Variants in PDCD6IP observed in about 807,000 individuals in gnomAD.
PDCD6IP encodes the protein programmed cell death 6 interacting protein.
PDCD6IP carries 43 observed loss-of-function variants against 103.7 expected under a neutral mutation model. That is an observed-to-expected ratio of 0.41 (90% confidence interval 0.32 to 0.53). The LOEUF (loss-of-function observed/expected upper bound fraction) is 0.53. Among genes scored for constraint, PDCD6IP ranks in the 20% least tolerant of loss-of-function variants. PDCD6IP has a pLI of 0.16. For missense variants in PDCD6IP, 871 were observed against 1,036.7 expected, an observed-to-expected ratio of 0.84 and a Z score of 2.20; for synonymous variants, 354 against 378.7, an observed-to-expected ratio of 0.93 and a Z score of 0.76.
At chr3:33,800,464 T>C (rs1320314210) in intron 1 of PDCD6IP, among the ~76,000 whole-genome samples, 2 of 152,082 alleles carry the variant, frequency 1.3e-5, no homozygotes, top group African/African-American at 2.4e-5. Context: ...ACCCCATGGA[T>C]CAAAGCAAGA....
intron 15 of PDCD6IP, among the ~76,000 whole-genome samples, chr3:33,863,155 G>A (rs1339104093): frequency 1.3e-5 from 2 of 152,078 alleles, no homozygotes; most frequent in Non-Finnish European, 2.9e-5. Flanking sequence ...TCAAATCAGG[G>A]TAATTAGGAT....
At chr3:33,818,097 GTTTTTTTTT>G (rs756780125) in intron 3 of PDCD6IP, among the ~76,000 whole-genome samples, 1 of 68,080 alleles carries the variant, frequency 1.5e-5, no homozygotes, top group African/African-American at 6.4e-5. Flanking sequence ...TTTCATTCTT[GTTTTTTTTT>G]TTTTTTTTTT....
intron 11 of PDCD6IP, among the ~76,000 whole-genome samples, chr3:33,844,960 C>T (rs1163047902): frequency 6.6e-6 from 1 of 151,368 alleles, no homozygotes; most frequent in Non-Finnish European, 1.5e-5. Flanking sequence ...GAGATAAATG[C>T]TATCTTCATG....
In PDCD6IP at chr3:33,821,033, G is replaced by T. The variant is rs189847391; in HGVS notation, c.335-922G>T. ...TTTTTATTTTTTATTTTGAGACAGG[G>T]TCTTGCTCTGACGCTCAGGGTGAAG... On this transcript the variant is annotated intron_variant, in intron 3 of 17. Coordinates refer to ENST00000307296, the MANE Select transcript of PDCD6IP (RefSeq NM_013374.6). Among the ~76,000 whole-genome samples, 4 of 152,168 alleles carry T rather than the reference G, an allele frequency of 2.6e-5. No individual in the cohort carries two copies. The East Asian group carries it at 5.8e-4, about 22-fold the overall frequency.
In PDCD6IP at chr3:33,844,099, C is replaced by G; in HGVS notation, c.1360-13C>G. 1 of 1,525,554 alleles carries G rather than the reference C, an allele frequency of 6.6e-7. No individual in the cohort carries two copies. The highest frequency in any genetic ancestry group is 8.9e-7 in the Non-Finnish European group (1 of 1,117,692). 94.5% of individuals were successfully genotyped at this position (1,525,554 alleles called of 1,614,324 possible). A position where few individuals can be genotyped will look rare whatever the true frequency, so the allele number is the denominator to read the frequency against. On this transcript the variant is annotated splice_polypyrimidine_tract_variant and intron_variant, in intron 10 of 17. Coordinates refer to ENST00000307296, the MANE Select transcript of PDCD6IP (RefSeq NM_013374.6). ...AAATGACATTTCAGGGTTCTTTTTG[C>G]TTCCTTTTAAAGTCATTAAGGTTGT...
rs534874683 is a variant in PDCD6IP, at chr3:33,838,774, G to T, written c.1181+447G>T. 6.8e-4 allele frequency among the ~76,000 whole-genome samples: 102 copies of T among 150,776 alleles called. 1 individual carries two copies. The highest frequency in any genetic ancestry group is 5.8e-3 in the Admixed American group (87 of 15,080). On this transcript the variant is annotated intron_variant, in intron 9 of 17. Transcript: ENST00000307296. ...TGTATATGTGTGTGTGTGTGTGTAT[G>T]TGTATATATATATATTTATGTATAT...
chr3:33,799,540 T>C (rs1311421965), intron 1 of PDCD6IP: 1 of 152,284 alleles, frequency 6.6e-6, no homozygotes, highest in Non-Finnish European at 1.5e-5. Flanking sequence ...CCGTTCAAGG[T>C]AGGTTGTTTA....
chr3:33,848,360 A>ATTATAAAAT (rs1359040677), intron 12 of PDCD6IP, among the ~76,000 whole-genome samples: 1 of 152,022 alleles, frequency 6.6e-6, no homozygotes, highest in African/African-American at 2.4e-5. Flanking sequence ...ATAAAATGAC[A>ATTATAAAAT]AGGTTATAAA....
chr3:33,831,258 T>A (rs905078011), intron 7 of PDCD6IP, among the ~76,000 whole-genome samples: 1 of 151,194 alleles, frequency 6.6e-6, no homozygotes, highest in African/African-American at 2.4e-5. Flanking sequence ...CACACAGATA[T>A]AAAAACATGA....
chr3:33,816,482 G>A (rs1575907857), intron 3 of PDCD6IP, among the ~76,000 whole-genome samples: 1 of 145,146 alleles, frequency 6.9e-6, no homozygotes, highest in African/African-American at 2.6e-5. Context: ...TCCAGCCTGG[G>A]TGACAGAGCA....
intron 1 of PDCD6IP, among the ~76,000 whole-genome samples, chr3:33,808,636 C>T (rs770154453): frequency 7.2e-5 from 11 of 152,198 alleles, no homozygotes; most frequent in Non-Finnish European, 1.2e-4. Context: ...GTGCTAGCAT[C>T]ATCTCTTGAC....
intron 15 of PDCD6IP, among the ~76,000 whole-genome samples, chr3:33,857,332 C>T (rs1014151350): frequency 1.2e-4 from 19 of 152,012 alleles, no homozygotes; most frequent in African/African-American, 3.9e-4. Flanking sequence ...AGGTGTGCAC[C>T]ACCACGCCTG....
At chr3:33,847,897 G>A (rs1177740959) in intron 12 of PDCD6IP, among the ~76,000 whole-genome samples, 1 of 152,058 alleles carries the variant, frequency 6.6e-6, no homozygotes, top group Non-Finnish European at 1.5e-5. Context: ...CCAGAGGAAG[G>A]AACATGTATT....
At chr3:33,853,845 TA>T (rs1279292515) in intron 13 of PDCD6IP, 33 bp from the exon 14 acceptor site, 1 of 1,357,894 alleles carries the variant, frequency 7.4e-7, no homozygotes, top group African/African-American at 1.5e-5. Flanking sequence ...ATTTTATAAA[TA>T]AATGTAAATA....
chr3:33,813,703 T>G, intron 3 of PDCD6IP, 75 bp downstream of exon 3: 6 of 840,030 alleles, frequency 7.1e-6, no homozygotes, highest in Non-Finnish European at 1.2e-5. Context: ...TTAAAATTGT[T>G]ATCCTAATGA....
chr3:33,802,093 G>T (rs78143315), intron 1 of PDCD6IP, among the ~76,000 whole-genome samples: 3 of 152,174 alleles, frequency 2.0e-5, no homozygotes, highest in African/African-American at 7.2e-5. Flanking sequence ...GGCTGGTGTA[G>T]TGTTTCTGTG....
In PDCD6IP at chr3:33,868,507, A is replaced by G. The variant is rs2125457779; in HGVS notation, c.*1982A>G. 1 of 152,884 alleles carries G rather than the reference A, an allele frequency of 6.5e-6. No individual in the cohort carries two copies. Among genetic ancestry groups the G allele is most frequent in the African/African-American group, 2.4e-5 (1 of 41,538 alleles). The allele number at this position is 152,884 out of a possible 1,614,324, so 9.5% of individuals were successfully genotyped here. On this transcript the variant is annotated 3_prime_UTR_variant, in exon 18 of 18. Transcript: ENST00000307296. ...GATCCTGCCACAGCACACCTGACTC[A>G]CTCGGCTCTGTTAGTGTAACCTTTT...
At chr3:33,814,588 TTATATG>T in intron 3 of PDCD6IP, among the ~76,000 whole-genome samples, 1 of 75,190 alleles carries the variant, frequency 1.3e-5, no homozygotes, top group East Asian at 5.5e-4. Context: ...TTCATGTATA[TTATATG>T]TATATATGTA....
chr3:33,857,613 AT>A (rs1697857864), intron 15 of PDCD6IP, among the ~76,000 whole-genome samples: 1 of 152,220 alleles, frequency 6.6e-6, no homozygotes, highest in African/African-American at 2.4e-5. Flanking sequence ...TTAAAAAATA[AT>A]TATTGACCAA....
Sources: gnomAD v4.1 joint callset for allele counts (sites outside exome capture counted in the v4.1 genomes callset) on GRCh38, gnomAD v4.1.1 for gene constraint, MANE v1.5 for transcripts, NCBI Gene and HGNC (gene_info 2026-07-23, HGNC 2026-07-21) for gene names.